Variants in WDR43 observed in about 807,000 individuals in gnomAD.
WDR43 encodes the protein WD repeat domain 43.
WDR43 carries 13 observed loss-of-function variants against 91.4 expected under a neutral mutation model. That is an observed-to-expected ratio of 0.14 (90% CI 0.09 to 0.23). WDR43 has a LOEUF of 0.23. Ranked by LOEUF, WDR43 falls within the 10% of genes least tolerant of loss-of-function variation. The pLI is 1.00. For synonymous variants in WDR43, 331 were observed against 287.9 expected (o/e 1.15, Z -1.51); for missense variants, 780 against 809.4 (o/e 0.96, Z 0.44).
Position 28,901,971 on chromosome 2 carries a change from T to G in WDR43, c.226-16T>G. The G allele has an allele frequency of 6.3e-7, 1 of 1,580,346 alleles. No individual in the cohort carries two copies. The highest frequency in any genetic ancestry group is 8.5e-7 in the Non-Finnish European group (1 of 1,169,662). ...TTGCAATACTAAATAAAAACATTGT[T>G]TTTCTTTTTTTCCAGGAAAGTCCCC... On this transcript the variant is annotated splice_polypyrimidine_tract_variant and intron_variant, in intron 1 of 17. Coordinates refer to ENST00000407426, the MANE Select transcript of WDR43 (RefSeq NM_015131.3).
intron 1 of WDR43, 97 bp downstream of exon 1, chr2:28,895,020 T>C (rs1380859116): frequency 8.7e-6 from 11 of 1,260,908 alleles, no homozygotes; most frequent in Non-Finnish European, 1.1e-5. Context: ...CGCGTGGCTC[T>C]CAGCGGCCCG....
Position 28,946,907 on chromosome 2 carries a change from C to A in WDR43, c.*128C>A. ...CAAATTCACAGCAGTGGATCCCATG[C>A]CACTTTGCTGTCCTGAGCACCCCAG... On this transcript the variant is annotated 3_prime_UTR_variant, in exon 18 of 18. Coordinates refer to ENST00000407426, the MANE Select transcript of WDR43 (RefSeq NM_015131.3). 9.0e-7 allele frequency: 1 copy of A among 1,106,188 alleles called. No individual in the cohort carries two copies. The highest frequency in any genetic ancestry group is 1.3e-6 in the Non-Finnish European group (1 of 799,192). The allele number at this position is 1,106,188 out of a possible 1,614,324, so 68.5% of individuals were successfully genotyped here. A position where few individuals can be genotyped will look rare whatever the true frequency, so the allele number is the denominator to read the frequency against.
Position 28,941,542 on chromosome 2 carries a change from C to T in WDR43, c.1702C>T (p.Leu568Phe). 1 of 1,612,928 alleles carries T rather than the reference C, an allele frequency of 6.2e-7. No individual in the cohort carries two copies. The highest frequency in any genetic ancestry group is 8.5e-7 in the Non-Finnish European group (1 of 1,179,360). Residue 568 changes from leucine to phenylalanine, a missense_variant, in exon 15 of 18, where the codon CTT becomes TTT. Leu to Phe is a conservative substitution (Grantham distance 22). Transcript: ENST00000407426. ...CAAAACTTTTCAGAAACTTTCACAC[C>T]TTCATGGAAAGCTTATTCTTCTAAT... Reference protein sequence around the residue: ...RVKTFQKLSHLHGKLILLITQ... With the variant: ...RVKTFQKLSHFHGKLILLITQ...
intron 16 of WDR43, among the ~76,000 whole-genome samples, chr2:28,944,812 C>T (rs3924272): frequency 0.27 from 40,373 of 152,188 alleles, 6,541 homozygotes; most frequent in East Asian, 0.77. Flanking sequence ...TAACGGGTGG[C>T]TAGTGTAGAC....
chr2:28,914,472 A>T (rs938763028), intron 5 of WDR43, among the ~76,000 whole-genome samples: 4 of 152,212 alleles, frequency 2.6e-5, no homozygotes, highest in Admixed American at 6.5e-5. Context: ...AATATCTTTT[A>T]AAAAATTTAG....
At chr2:28,895,132 C>G (rs1403458678) in intron 1 of WDR43, 2 of 399,912 alleles carry the variant, frequency 5.0e-6, no homozygotes. Context: ...CAGCTCGACC[C>G]GGCCGGCCTC....
intron 13 of WDR43, 87 bp downstream of exon 13, chr2:28,937,040 C>A: frequency 7.6e-7 from 1 of 1,309,236 alleles, no homozygotes; most frequent in South Asian, 1.4e-5. Flanking sequence ...ACTAATAAAA[C>A]TCTTTCAGTG....
chr2:28,946,994 A>T lies in WDR43; in HGVS notation c.*215A>T. ...TTAATAAACTTTACACAGTATATAG[A>T]CACATTTTCTGCAATGTACTGACAT... On this transcript the variant is annotated 3_prime_UTR_variant, in exon 18 of 18. Coordinates refer to ENST00000407426, the MANE Select transcript of WDR43 (RefSeq NM_015131.3). The T allele has an allele frequency of 2.2e-6, 1 of 463,888 alleles. No homozygotes were observed. Among genetic ancestry groups the T allele is most frequent in the Non-Finnish European group, 3.8e-6 (1 of 266,124 alleles). The allele number at this position is 463,888 out of a possible 1,614,324, so 28.7% of individuals were successfully genotyped here.
At chr2:28,919,250 C>A (rs769350940) in intron 6 of WDR43, among the ~76,000 whole-genome samples, 1 of 149,952 alleles carries the variant, frequency 6.7e-6, no homozygotes, top group Non-Finnish European at 1.5e-5. Context: ...AGTGAGACCC[C>A]GTCTCAGTAA....
At chr2:28,938,483 GA>G (rs35534534) in intron 14 of WDR43, among the ~76,000 whole-genome samples, 38,991 of 150,216 alleles carry the variant, frequency 0.26, 6,221 homozygotes, top group East Asian at 0.77. Flanking sequence ...AGCAACACCA[GA>G]AAAAAAAAAT....
At chr2:28,927,267 G>T in intron 9 of WDR43, 1 of 472,666 alleles carries the variant, frequency 2.1e-6, no homozygotes, top group East Asian at 5.1e-5. Context: ...ATTTAGTAGT[G>T]GGGGCTTGTA....
intron 2 of WDR43, among the ~76,000 whole-genome samples, chr2:28,906,215 A>G (rs1314468028): frequency 1.3e-5 from 2 of 152,158 alleles, no homozygotes; most frequent in African/African-American, 2.4e-5. Context: ...CATCTCTAAC[A>G]TGGTCGCCTC....
At chr2:28,900,757 T>C (rs1272759814) in intron 1 of WDR43, among the ~76,000 whole-genome samples, 1 of 152,214 alleles carries the variant, frequency 6.6e-6, no homozygotes, top group Non-Finnish European at 1.5e-5. Context: ...AACTTCTCTT[T>C]TGTGTTTATT....
intron 1 of WDR43, among the ~76,000 whole-genome samples, chr2:28,901,432 C>G (rs957460780): frequency 1.3e-5 from 2 of 152,220 alleles, no homozygotes. Context: ...CTTGTGTGCT[C>G]TGAGCTGCTC....
At chr2:28,914,463 A>G (rs1015245710) in intron 5 of WDR43, among the ~76,000 whole-genome samples, 1 of 152,226 alleles carries the variant, frequency 6.6e-6, no homozygotes, top group African/African-American at 2.4e-5. Flanking sequence ...GCAATTTAGA[A>G]TATCTTTTAA....
intron 1 of WDR43, chr2:28,895,220 G>C: frequency 3.4e-6 from 1 of 295,838 alleles, no homozygotes; most frequent in Non-Finnish European, 6.2e-6. Context: ...CAAGTCCCCT[G>C]GTCCCCCTGG....
chr2:28,894,712 G>A lies in WDR43; in HGVS notation c.14G>A (p.Gly5Asp). Residue 5 changes from glycine to aspartate, a missense_variant, in exon 1 of 18, where the codon GGC (glycine) becomes GAC (aspartate). Around this residue, in one of 4 missense-constraint regions of WDR43, gnomAD observed 175 missense variants for 113.8 expected, o/e 1.54. Coordinates refer to ENST00000407426, the MANE Select transcript of WDR43 (RefSeq NM_015131.3). ...GCCAGAGCAGCAATGGCGGCGGGCGGCGGCGGTAGCTGCGACCCCCTGGCC... is the reference window on the plus strand; with the variant it reads ...GCCAGAGCAGCAATGGCGGCGGGCGACGGCGGTAGCTGCGACCCCCTGGCC... MAAG[G>D]GGSCDPLAPA... 6.4e-7 allele frequency: 1 copy of A among 1,561,262 alleles called. No homozygotes were observed. The highest frequency in any genetic ancestry group is 1.4e-5 in the African/African-American group (1 of 73,406).
At position 28,926,565 on chromosome 2, in the gene WDR43, T is replaced by G. The variant is rs759624798; in HGVS notation, c.1173+11T>G. 6 of 1,571,022 alleles carry G rather than the reference T, an allele frequency of 3.8e-6. No homozygotes were observed. The highest frequency in any genetic ancestry group is 8.6e-7 in the Non-Finnish European group (1 of 1,156,496). ...ACAGCTATAACAAAGGTGAGCACAT[T>G]ACAAATTTGAAGTTTTAAGAAAAAG... On this transcript the variant is annotated intron_variant, in intron 9 of 17. Transcript: ENST00000407426.
chr2:28,938,062 C>A, intron 14 of WDR43, 68 bp downstream of exon 14: 2 of 1,523,464 alleles, frequency 1.3e-6, no homozygotes, highest in Non-Finnish European at 1.8e-6. Context: ...TAAACTTTGA[C>A]AAGTATGGCT....
Sources: allele counts gnomAD v4.1 joint callset (sites outside exome capture counted in the v4.1 genomes callset), GRCh38; gene constraint gnomAD v4.1.1; regional missense constraint gnomAD v4.1.1; transcripts MANE v1.5; gene names NCBI Gene and HGNC (gene_info 2026-07-23, HGNC 2026-07-21).